The following INPP4B variants were observed in gnomAD, a reference collection of about 807,000 sequenced individuals.
INPP4B encodes the protein inositol polyphosphate-4-phosphatase type II B, also known as inositol polyphosphate 4-phosphatase type II.
A neutral mutation model predicts 122.5 loss-of-function variants in INPP4B; 55 were observed. The ratio of observed to expected loss-of-function variants is 0.45; its 90% CI spans 0.36 to 0.56. The LOEUF (loss-of-function observed/expected upper bound fraction) is 0.56. INPP4B is among the 20% of genes least tolerant of loss of function. The pLI is 0.00. For synonymous variants in INPP4B, 403 were observed against 388.7 expected (o/e 1.04, Z -0.43); for missense variants, 1,000 against 1,097.7 (o/e 0.91, Z 1.26).
At chr4:142,130,279 T>A (rs1800641176) in intron 18 of INPP4B, among the ~76,000 whole-genome samples, 1 of 151,980 alleles carries the variant, frequency 6.6e-6, no homozygotes, top group South Asian at 2.1e-4. Flanking sequence ...ATCTAATAAA[T>A]AGATGCATAA....
chr4:142,427,636 T>C (rs1342938277), intron 5 of INPP4B, among the ~76,000 whole-genome samples: 6 of 151,980 alleles, frequency 3.9e-5, no homozygotes, highest in Non-Finnish European at 8.8e-5. Context: ...GCCACCACAT[T>C]TGCCTAACAA....
chr4:142,608,746 C>T (rs1001909544), intron 2 of INPP4B, among the ~76,000 whole-genome samples: 1 of 152,200 alleles, frequency 6.6e-6, no homozygotes, highest in Admixed American at 6.5e-5. Flanking sequence ...TCAACAGAGT[C>T]TGCTGCCTTT....
chr4:142,390,095 A>G (rs1457152241), intron 7 of INPP4B, among the ~76,000 whole-genome samples: 1 of 152,180 alleles, frequency 6.6e-6, no homozygotes, highest in African/African-American at 2.4e-5. Flanking sequence ...CAGGAATTAT[A>G]AAGAATTATA....
chr4:142,192,433 C>G (rs1478198559), intron 15 of INPP4B, among the ~76,000 whole-genome samples: 1 of 141,998 alleles, frequency 7.0e-6, no homozygotes, highest in Non-Finnish European at 1.5e-5. Context: ...TTATGTTTTA[C>G]ATGAGCGTGG....
intron 16 of INPP4B, among the ~76,000 whole-genome samples, chr4:142,166,740 A>G (rs1355655401): frequency 6.6e-6 from 1 of 151,916 alleles, no homozygotes; most frequent in Admixed American, 6.6e-5. Context: ...ACATGAACAG[A>G]TTCTTCTCAA....
chr4:142,039,792 T>C (rs182991245), intron 25 of INPP4B, among the ~76,000 whole-genome samples: 2 of 152,248 alleles, frequency 1.3e-5, no homozygotes, highest in East Asian at 3.9e-4. Flanking sequence ...TGTTTAAGGT[T>C]AGTTTTGTTT....
intron 2 of INPP4B, among the ~76,000 whole-genome samples, chr4:142,512,722 G>C (rs1824900386): frequency 6.6e-6 from 1 of 152,088 alleles, no homozygotes. Flanking sequence ...CCTAAGCAGA[G>C]CCTCTAATGT....
chr4:142,396,817 A>G (rs1385912605), intron 7 of INPP4B, among the ~76,000 whole-genome samples: 3 of 152,132 alleles, frequency 2.0e-5, no homozygotes, highest in African/African-American at 7.2e-5. Context: ...ATCTAAAAAC[A>G]CGTTGAAGAA....
chr4:142,295,390 T>A (rs2151029094), intron 9 of INPP4B, among the ~76,000 whole-genome samples: 1 of 152,188 alleles, frequency 6.6e-6, no homozygotes, highest in South Asian at 2.1e-4. Flanking sequence ...TGTGGGGAAT[T>A]GGGGGGTGAG....
At chr4:142,365,927 C>T (rs552904298) in intron 7 of INPP4B, among the ~76,000 whole-genome samples, 8 of 152,038 alleles carry the variant, frequency 5.3e-5, no homozygotes, top group Admixed American at 2.0e-4. Context: ...TTTCTCAAAA[C>T]GAAATGGTGG....
intron 2 of INPP4B, among the ~76,000 whole-genome samples, chr4:142,475,327 C>CA (rs1223513802): frequency 2.0e-5 from 3 of 151,408 alleles, no homozygotes; most frequent in South Asian, 2.1e-4. Flanking sequence ...ACAAAACAAA[C>CA]AAAAAAACAT....
chr4:142,486,913 A>T (rs1175308408), intron 2 of INPP4B, among the ~76,000 whole-genome samples: 1 of 152,172 alleles, frequency 6.6e-6, no homozygotes, highest in African/African-American at 2.4e-5. Flanking sequence ...TCTCTTGTGG[A>T]CATTGTATTT....
intron 11 of INPP4B, among the ~76,000 whole-genome samples, chr4:142,246,246 T>C (rs1728766413): frequency 6.6e-6 from 1 of 151,960 alleles, no homozygotes; most frequent in African/African-American, 2.4e-5. Context: ...CTTTGTTCTT[T>C]TTGCTTAGGA....
intron 9 of INPP4B, among the ~76,000 whole-genome samples, chr4:142,274,094 T>G (rs1907114): frequency 0.038 from 5,828 of 151,930 alleles, 363 homozygotes; most frequent in African/African-American, 0.13. Context: ...AAATGCTAAA[T>G]TATGCTTTCA....
chr4:142,359,975 G>C (rs768782353), intron 7 of INPP4B, among the ~76,000 whole-genome samples: 3 of 151,908 alleles, frequency 2.0e-5, no homozygotes, highest in Non-Finnish European at 4.4e-5. Flanking sequence ...ACATGATATT[G>C]ATTGTAGAAA....
chr4:142,465,975 T>C (rs1817683230), intron 2 of INPP4B, among the ~76,000 whole-genome samples: 1 of 152,170 alleles, frequency 6.6e-6, no homozygotes, highest in African/African-American at 2.4e-5. Context: ...TACAGAACTG[T>C]GAACCAAATA....
chr4:142,632,530 T>A (rs1289868146), intron 2 of INPP4B, among the ~76,000 whole-genome samples: 3 of 151,812 alleles, frequency 2.0e-5, no homozygotes, highest in Non-Finnish European at 4.4e-5. Context: ...ATTTGATAGA[T>A]CAGTATGGTA....
At chr4:142,592,937 C>T (rs1427568871) in intron 2 of INPP4B, among the ~76,000 whole-genome samples, 1 of 151,698 alleles carries the variant, frequency 6.6e-6, no homozygotes, top group Non-Finnish European at 1.5e-5. Context: ...CCTATCTCTA[C>T]AAAATAAAAA....
chr4:142,344,456 C>A (rs1779676907), intron 7 of INPP4B, among the ~76,000 whole-genome samples: 1 of 151,902 alleles, frequency 6.6e-6, no homozygotes, highest in Admixed American at 6.6e-5. Flanking sequence ...TGCCTGTTTT[C>A]AAGTATTTCA....
Sources: allele counts gnomAD v4.1 joint callset (sites outside exome capture counted in the v4.1 genomes callset), GRCh38; gene constraint gnomAD v4.1.1; transcripts MANE v1.5; gene names NCBI Gene and HGNC (gene_info 2026-07-23, HGNC 2026-07-21).